The following PCMT1 variants were observed in gnomAD, a reference collection of about 807,000 sequenced individuals.
The protein encoded by PCMT1 is protein-L-isoaspartate (D-aspartate) O-methyltransferase, also known as protein-L-isoaspartate(D-aspartate) O-methyltransferase.
PCMT1 carries 9 observed loss-of-function variants against 29.2 expected under a neutral mutation model. That is an observed-to-expected ratio of 0.31 (90% CI 0.19 to 0.54). The LOEUF is 0.54. PCMT1 is among the 20% of genes least tolerant of loss of function. PCMT1 has a pLI of 0.95. For missense variants in PCMT1, 184 were observed against 282.2 expected, an observed-to-expected ratio of 0.65 and a Z score of 2.49; for synonymous variants, 98 against 97.5, an observed-to-expected ratio of 1.00 and a Z score of -0.03.
Position 149,796,448 on chromosome 6 carries a change from C to T in PCMT1, c.452C>T (p.Ala151Val), listed in dbSNP as rs867357446. ...GDGRMGYAEEAPYDAIHVGAA... is the reference protein window; with the variant it reads ...GDGRMGYAEEVPYDAIHVGAA... ...GGAAGAATGGGATATGCTGAAGAAGCCCCTTATGATGCCATTCATGTGGGA... is the reference window on the plus strand; with the variant it reads ...GGAAGAATGGGATATGCTGAAGAAGTCCCTTATGATGCCATTCATGTGGGA... The change falls in exon 6 of 8, where the codon GCC (alanine) becomes GTC (valine). Residue 151 changes from alanine to valine, a missense_variant. Ala to Val is a moderately conservative substitution (Grantham distance 64, BLOSUM62 0). Transcript: ENST00000464889. The T allele has an allele frequency of 6.2e-7, 1 of 1,613,696 alleles. No homozygotes were observed. The highest frequency in any genetic ancestry group is 8.5e-7 in the Non-Finnish European group (1 of 1,179,858).
intron 7 of PCMT1, among the ~76,000 whole-genome samples, chr6:149,803,910 GTC>G (rs1202321820): frequency 6.6e-6 from 1 of 150,698 alleles, no homozygotes; most frequent in African/African-American, 2.4e-5. Flanking sequence ...GTGAAACCCT[GTC>G]TCTACTAAAA....
In PCMT1 at chr6:149,762,919, ATATC is replaced by A. The variant is rs1473067942; in HGVS notation, c.56-8239_56-8236del. Among the ~76,000 whole-genome samples, 4 of 60,174 alleles carry A rather than the reference ATATC, an allele frequency of 6.6e-5. 1 individual carries two copies. The Admixed American group carries it at 8.8e-4, about 13-fold the overall frequency. 39.5% of individuals were successfully genotyped at this position (60,174 alleles called of 152,430 possible). A position where few individuals can be genotyped will look rare whatever the true frequency, so the allele number is the denominator to read the frequency against. ...TCTATGATATATATCTATGATATAT[ATATC>A]TATGATATATATGATATATATATCT... On this transcript the variant is annotated intron_variant, in intron 1 of 7. Coordinates refer to ENST00000464889, the MANE Select transcript of PCMT1 (RefSeq NM_001360452.2).
intron 7 of PCMT1, among the ~76,000 whole-genome samples, chr6:149,806,944 T>G (rs1428806136): frequency 3.9e-5 from 6 of 152,204 alleles, no homozygotes; most frequent in Admixed American, 3.9e-4. Context: ...AACCTTCTCT[T>G]GTGTCTCACC....
intron 3 of PCMT1, among the ~76,000 whole-genome samples, chr6:149,786,955 C>G (rs1260526605): frequency 1.5e-5 from 2 of 135,010 alleles, no homozygotes; most frequent in African/African-American, 3.2e-5. Flanking sequence ...TGTAGCTAGC[C>G]GAGATCACGC....
chr6:149,799,686 G>A (rs764209475), intron 6 of PCMT1, among the ~76,000 whole-genome samples: 5 of 152,108 alleles, frequency 3.3e-5, no homozygotes, highest in Non-Finnish European at 5.9e-5. Context: ...AACCAAAAGA[G>A]GAAACCACAT....
At chr6:149,767,817 G>A (rs1583016780) in intron 1 of PCMT1, among the ~76,000 whole-genome samples, 2 of 145,550 alleles carry the variant, frequency 1.4e-5, no homozygotes, top group African/African-American at 2.6e-5. Flanking sequence ...GTTTTGAGAT[G>A]ACGTCTTGCT....
chr6:149,769,390 C>T (rs909590497), intron 1 of PCMT1, among the ~76,000 whole-genome samples: 1 of 141,420 alleles, frequency 7.1e-6, no homozygotes, highest in African/African-American at 2.7e-5. Flanking sequence ...TCTCGGCTCA[C>T]TGCAACCTCA....
intron 1 of PCMT1, among the ~76,000 whole-genome samples, chr6:149,763,023 G>GATATATATATCTATGATAT (rs1473810727): frequency 2.4e-5 from 1 of 41,210 alleles, no homozygotes; most frequent in Non-Finnish European, 3.4e-5. Context: ...TGATATATAT[G>GATATATATATCTATGATAT]ATATATCTAT....
intron 5 of PCMT1, chr6:149,795,378 A>C: frequency 2.5e-6 from 1 of 402,898 alleles, no homozygotes; most frequent in South Asian, 2.2e-5. Flanking sequence ...ATAGCTGTTA[A>C]GATATCTGGG....
intron 4 of PCMT1, among the ~76,000 whole-genome samples, chr6:149,791,239 C>T (rs917195522): frequency 2.0e-5 from 3 of 152,116 alleles, no homozygotes; most frequent in African/African-American, 7.2e-5. Flanking sequence ...CTGTCCCTGC[C>T]CAGAATGAGC....
intron 7 of PCMT1, among the ~76,000 whole-genome samples, chr6:149,806,912 C>G (rs1034069701): frequency 6.6e-6 from 1 of 152,124 alleles, no homozygotes; most frequent in Non-Finnish European, 1.5e-5. Flanking sequence ...ATTACTTTAA[C>G]TCATTATAAT....
At chr6:149,765,359 C>CAAA (rs745563333) in intron 1 of PCMT1, among the ~76,000 whole-genome samples, 10,373 of 85,594 alleles carry the variant, frequency 0.12, 2,086 homozygotes, top group African/African-American at 0.41. Flanking sequence ...GACTCTGTCT[C>CAAA]AAAAAAAAAA....
intron 1 of PCMT1, among the ~76,000 whole-genome samples, chr6:149,756,512 C>CT (rs61038108): frequency 0.018 from 1,368 of 74,526 alleles, 132 homozygotes; most frequent in Non-Finnish European, 0.023. Flanking sequence ...CCATGACTGG[C>CT]TTTTTTTTTT....
rs570828876 is a variant in PCMT1 at position 149,781,409 on chromosome 6, T to C, written c.192+8240T>C. ...ACCTGGCTAATTTTTGTATTTTTAG[T>C]AGAGACAAGGTTTCACCGTGTTGGC... On this transcript the variant is annotated intron_variant, in intron 3 of 7. Coordinates refer to ENST00000464889, the MANE Select transcript of PCMT1 (RefSeq NM_001360452.2). Among the ~76,000 whole-genome samples, 40 of 152,160 alleles carry C rather than the reference T, an allele frequency of 2.6e-4. No homozygotes were observed. The South Asian group carries it at 7.9e-3, about 30-fold the overall frequency.
chr6:149,787,474 C>A (rs1242785117), intron 3 of PCMT1, among the ~76,000 whole-genome samples: 1 of 151,540 alleles, frequency 6.6e-6, no homozygotes, highest in Non-Finnish European at 1.5e-5. Flanking sequence ...TCAAGCGATT[C>A]TCCTGCTTCA....
intron 1 of PCMT1, among the ~76,000 whole-genome samples, chr6:149,756,295 G>C (rs1786501229): frequency 7.6e-6 from 1 of 131,098 alleles, no homozygotes. Flanking sequence ...TCTATCTACA[G>C]CACCAGTTCT....
At chr6:149,786,059 G>A (rs564249382) in intron 3 of PCMT1, among the ~76,000 whole-genome samples, 189 of 142,182 alleles carry the variant, frequency 1.3e-3, no homozygotes, top group Non-Finnish European at 2.0e-3. Context: ...CCTCCCTCCC[G>A]GACGGGGTGG....
intron 3 of PCMT1, among the ~76,000 whole-genome samples, chr6:149,787,303 G>GGGGAGAGGGAGACCGTGGGGAGA (rs1562415817): frequency 2.3e-4 from 34 of 150,008 alleles, no homozygotes; most frequent in Non-Finnish European, 4.3e-4. Context: ...GGGAGACCGT[G>GGGGAGAGGGAGACCGTGGGGAGA]GGGAGAGGGA....
Position 149,749,922 on chromosome 6 carries a change from C to A in PCMT1, c.21C>A (p.Gly7=), listed in dbSNP as rs767942051. 6 of 1,607,788 alleles carry A rather than the reference C, an allele frequency of 3.7e-6. No homozygotes were observed. The South Asian group carries it at 6.7e-5, about 18-fold the overall frequency. ...TAGCGATGGCCTGGAAATCCGGCGGCGCCAGCCACTCGGAGCTAATCCACA... is the reference window on the plus strand; with the variant it reads ...TAGCGATGGCCTGGAAATCCGGCGGAGCCAGCCACTCGGAGCTAATCCACA... MAWKSG[G]ASHSELIHNL... Residue 7 remains glycine, a synonymous_variant, in exon 1 of 8, where the codon GGC becomes GGA. Coordinates refer to ENST00000464889, the MANE Select transcript of PCMT1 (RefSeq NM_001360452.2).
Sources: gnomAD v4.1 joint callset for allele counts (sites outside exome capture counted in the v4.1 genomes callset) on GRCh38, gnomAD v4.1.1 for gene constraint, MANE v1.5 for transcripts, NCBI Gene and HGNC (gene_info 2026-07-23, HGNC 2026-07-21) for gene names.